TMEM114: variants seen among roughly 807,000 people sequenced by gnomAD.
The protein encoded by TMEM114 is claudin-26.
TMEM114 carries 6 observed loss-of-function variants against 6.2 expected under a neutral mutation model. The ratio of observed to expected loss-of-function variants is 0.97; its 90% CI spans 0.53 to 1.91. The LOEUF (loss-of-function observed/expected upper bound fraction) is 1.91, where lower values mean the gene tolerates loss of function less well. Ranked by LOEUF, TMEM114 falls within the 40% of genes most tolerant of loss-of-function variation. TMEM114 has a pLI of 0.01. For missense variants in TMEM114, 218 were observed against 158.3 expected, an observed-to-expected ratio of 1.38 and a Z score of -2.02; for synonymous variants, 104 against 73.0, an observed-to-expected ratio of 1.42 and a Z score of -2.16.
intron 2 of TMEM114, among the ~76,000 whole-genome samples, chr16:8,544,915 C>T (rs1320274516): frequency 7.5e-6 from 1 of 132,796 alleles, no homozygotes; most frequent in Non-Finnish European, 1.6e-5. Flanking sequence ...TTCTCCTCAA[C>T]ATCTTTCTCT....
At chr16:8,553,772 C>T (rs1049744085) in intron 2 of TMEM114, among the ~76,000 whole-genome samples, 2 of 151,966 alleles carry the variant, frequency 1.3e-5, no homozygotes, top group South Asian at 2.1e-4. Context: ...TGAGCCACTG[C>T]GCCTGCCCAA....
downstream of TMEM114, among the ~76,000 whole-genome samples, chr16:8,536,159 A>G (rs1900352668): frequency 6.6e-6 from 1 of 151,016 alleles, no homozygotes; most frequent in Non-Finnish European, 1.5e-5. Context: ...TGGGAGGCGG[A>G]GGTTGCAGTG....
At chr16:8,543,844 C>A (rs1398885961) in intron 2 of TMEM114, among the ~76,000 whole-genome samples, 1 of 152,180 alleles carries the variant, frequency 6.6e-6, no homozygotes, top group Non-Finnish European at 1.5e-5. Flanking sequence ...AATAAATATT[C>A]TCTATAGCTA....
intron 2 of TMEM114, among the ~76,000 whole-genome samples, chr16:8,550,387 C>G (rs949198690): frequency 1.3e-5 from 2 of 152,196 alleles, no homozygotes; most frequent in African/African-American, 4.8e-5. Context: ...AATCTAAAAT[C>G]TGGTCCCTCC....
intron 2 of TMEM114, among the ~76,000 whole-genome samples, chr16:8,552,211 C>CAA (rs35740277): frequency 1.2e-4 from 15 of 129,052 alleles, no homozygotes; most frequent in Non-Finnish European, 1.2e-4. Context: ...CCTATCTCTG[C>CAA]AAAAAAAAAA....
chr16:8,537,486 G>A (rs905794094), downstream of TMEM114: 1 of 152,122 alleles, frequency 6.6e-6, no homozygotes, highest in Non-Finnish European at 1.5e-5. Context: ...GGGTGACAGA[G>A]TGAGACTCCA....
chr16:8,542,146 G>GA (rs915187291), intron 2 of TMEM114, among the ~76,000 whole-genome samples: 9 of 151,846 alleles, frequency 5.9e-5, no homozygotes, highest in Admixed American at 2.6e-4. Context: ...GATTCGTGGG[G>GA]GGGGGTCCCT....
chr16:8,547,275 T>C (rs1176586671), intron 2 of TMEM114, among the ~76,000 whole-genome samples: 1 of 152,142 alleles, frequency 6.6e-6, no homozygotes, highest in East Asian at 1.9e-4. Context: ...CCAGGATTTC[T>C]CCAAAGGGGT....
intron 2 of TMEM114, among the ~76,000 whole-genome samples, chr16:8,583,643 G>C (rs1902224456): frequency 6.6e-6 from 1 of 152,116 alleles, no homozygotes; most frequent in African/African-American, 2.4e-5. Context: ...AGCTACTTGG[G>C]AGGCTGAGGC....
chr16:8,531,359 C>T, the TMEM114 span, among the ~76,000 whole-genome samples: 2 of 152,184 alleles, frequency 1.3e-5, no homozygotes, highest in African/African-American at 2.4e-5. Context: ...AACCACAACA[C>T]ATAACTTATC....
chr16:8,562,869 T>A (rs1306049956), intron 2 of TMEM114, among the ~76,000 whole-genome samples: 1 of 149,022 alleles, frequency 6.7e-6, no homozygotes, highest in Non-Finnish European at 1.5e-5. Flanking sequence ...AATGAGTGAG[T>A]AAATGAGTGA....
At chr16:8,583,307 C>T (rs1035648555) in intron 2 of TMEM114, among the ~76,000 whole-genome samples, 1 of 152,186 alleles carries the variant, frequency 6.6e-6, no homozygotes, top group African/African-American at 2.4e-5. Flanking sequence ...GCTTGAGGCT[C>T]AGGAAGGCAA....
chr16:8,557,126 T>C (rs1368734190), intron 2 of TMEM114, among the ~76,000 whole-genome samples: 2 of 152,138 alleles, frequency 1.3e-5, no homozygotes, highest in Non-Finnish European at 2.9e-5. Context: ...CCCATGCCCT[T>C]GTTAGAATAT....
At chr16:8,548,525 T>G (rs1304625747) in intron 2 of TMEM114, among the ~76,000 whole-genome samples, 1 of 152,088 alleles carries the variant, frequency 6.6e-6, no homozygotes, top group African/African-American at 2.4e-5. Flanking sequence ...ATAGAACAGG[T>G]GCACTGTGTA....
chr16:8,588,192 C>G (rs1236918693), intron 2 of TMEM114, among the ~76,000 whole-genome samples: 1 of 150,822 alleles, frequency 6.6e-6, no homozygotes, highest in East Asian at 2.0e-4. Flanking sequence ...GAGGCTGAGA[C>G]AGGAGAATCG....
chr16:8,547,637 C>T (rs1242221543), intron 2 of TMEM114, among the ~76,000 whole-genome samples: 11 of 152,058 alleles, frequency 7.2e-5, no homozygotes, highest in African/African-American at 1.7e-4. Context: ...GTGATCCACC[C>T]GCCTCGGCCT....
downstream of TMEM114, chr16:8,537,566 A>G (rs563626892): frequency 5.3e-5 from 8 of 152,328 alleles, no homozygotes; most frequent in African/African-American, 1.7e-4. Context: ...TGCCACCAGG[A>G]TATAACTGAT....
At chr16:8,567,893 A>G (rs566037433), downstream of TMEM114, among the ~76,000 whole-genome samples, 1 of 152,276 alleles carries the variant, frequency 6.6e-6, no homozygotes, top group Non-Finnish European at 1.5e-5. Context: ...CCAGCATTGT[A>G]ACTGATTTTC....
chr16:8,561,958 G>A (rs549342125), intron 2 of TMEM114, among the ~76,000 whole-genome samples: 54 of 152,282 alleles, frequency 3.5e-4, no homozygotes, highest in African/African-American at 1.2e-3. Flanking sequence ...GTGAATGAGG[G>A]AGGGAGGGAA....
Sources: allele counts gnomAD v4.1 joint callset (sites outside exome capture counted in the v4.1 genomes callset), GRCh38; gene constraint gnomAD v4.1.1; transcripts MANE v1.5; gene names NCBI Gene and HGNC (gene_info 2026-07-23, HGNC 2026-07-21).